Variants in SCFD1 observed in about 807,000 individuals in gnomAD.
SCFD1 encodes the protein sec1 family domain containing 1, also known as sec1 family domain-containing protein 1.
Under a neutral mutation model 103.2 loss-of-function variants are expected in SCFD1, and 37 were observed. The observed-to-expected ratio is 0.36, with a 90% CI of 0.28 to 0.47. SCFD1 has a LOEUF of 0.47. Among genes scored for constraint, SCFD1 ranks in the 20% least tolerant of loss-of-function variants. The pLI is 1.00. For synonymous variants in SCFD1, 264 were observed against 245.0 expected (o/e 1.08, Z -0.73); for missense variants, 639 against 761.2 (o/e 0.84, Z 1.89).
chr14:30,702,112 A>G (rs1372411934), intron 16 of SCFD1, among the ~76,000 whole-genome samples, 184 bp from the exon 17 acceptor site: 1 of 152,194 alleles, frequency 6.6e-6, no homozygotes, highest in African/African-American at 2.4e-5. Flanking sequence ...AATTTTCATT[A>G]TATGTGATTT....
intron 8 of SCFD1, 34 bp from the exon 9 acceptor site, chr14:30,650,531 C>T (rs761934281): frequency 8.2e-7 from 1 of 1,217,382 alleles, no homozygotes; most frequent in South Asian, 1.2e-5. Context: ...TTATATGAAA[C>T]TGTTAAGAGT....
chr14:30,695,527 A>G (rs922824994), intron 15 of SCFD1, among the ~76,000 whole-genome samples: 2 of 152,166 alleles, frequency 1.3e-5, no homozygotes, highest in Non-Finnish European at 1.5e-5. Flanking sequence ...GATGAAGGGA[A>G]CAAAAAAATA....
At chr14:30,700,455 T>C (rs764501112) in intron 16 of SCFD1, among the ~76,000 whole-genome samples, 197 bp downstream of exon 16, 3 of 152,178 alleles carry the variant, frequency 2.0e-5, no homozygotes, top group Non-Finnish European at 4.4e-5. Context: ...GGCAGATCAC[T>C]TTGAGCGCAG....
At chr14:30,710,864 G>A (rs7157286) in intron 19 of SCFD1, among the ~76,000 whole-genome samples, 3,988 of 152,216 alleles carry the variant, frequency 0.026, 177 homozygotes, top group African/African-American at 0.091. Flanking sequence ...ATTTATGCCT[G>A]TTAAATCTCT....
chr14:30,651,998 C>G (rs1886437388), intron 9 of SCFD1, among the ~76,000 whole-genome samples: 1 of 152,062 alleles, frequency 6.6e-6, no homozygotes, highest in Non-Finnish European at 1.5e-5. Flanking sequence ...TTATCCAGCC[C>G]CAAATGTCAG....
chr14:30,710,536 T>A (rs1347899869), intron 19 of SCFD1, among the ~76,000 whole-genome samples: 1 of 152,106 alleles, frequency 6.6e-6, no homozygotes, highest in Non-Finnish European at 1.5e-5. Context: ...AAGCTTTAAA[T>A]GTTAGTTTTT....
rs139769371 is a variant in SCFD1 at position 30,734,808 on chromosome 14, A to C, written c.1855A>C (p.Ile619Leu). The C allele has an allele frequency of 1.7e-4, 275 of 1,613,430 alleles. No individual in the cohort carries two copies. Among genetic ancestry groups the C allele is most frequent in the Non-Finnish European group, 2.2e-4 (264 of 1,179,574 alleles). Reference sequence around the variant, plus strand: ...TTTACAGGGGAAACAAGGCAAACACATTTTATATGGCTGCAGTGAGCTTTT... The same window carrying C: ...TTTACAGGGGAAACAAGGCAAACACCTTTTATATGGCTGCAGTGAGCTTTT... ...DYIKGKQGKH[I>L]LYGCSELFNA... Residue 619 changes from isoleucine (I) to leucine (L), a missense_variant, in exon 24 of 25, where the codon ATT becomes CTT. Coordinates refer to ENST00000458591, the MANE Select transcript of SCFD1 (RefSeq NM_016106.4).
At chr14:30,630,756 G>T in intron 3 of SCFD1, 191 bp downstream of exon 3, 1 of 504,548 alleles carries the variant, frequency 2.0e-6, no homozygotes, top group Non-Finnish European at 3.5e-6. Flanking sequence ...TAAATTTTCT[G>T]CCTTGTGGCT....
intron 11 of SCFD1, among the ~76,000 whole-genome samples, chr14:30,671,387 C>T (rs571249895): frequency 1.3e-5 from 2 of 152,092 alleles, no homozygotes; most frequent in South Asian, 4.1e-4. Flanking sequence ...CCATAATCTA[C>T]GTTTCCCTCC....
intron 18 of SCFD1, 58 bp downstream of exon 18, chr14:30,705,943 C>A: frequency 7.3e-7 from 1 of 1,376,900 alleles, no homozygotes; most frequent in Non-Finnish European, 1.0e-6. Context: ...CTTAGACTTT[C>A]ATGCCTTAAA....
chr14:30,675,888 T>A (rs1189781312), intron 14 of SCFD1, among the ~76,000 whole-genome samples: 1 of 152,214 alleles, frequency 6.6e-6, no homozygotes, highest in African/African-American at 2.4e-5. Context: ...ACATAGATAA[T>A]GGGCAGCATG....
At chr14:30,646,252 A>G (rs962142345) in intron 7 of SCFD1, among the ~76,000 whole-genome samples, 2 of 151,486 alleles carry the variant, frequency 1.3e-5, no homozygotes, top group African/African-American at 2.4e-5. Flanking sequence ...CAATCTCTTG[A>G]CCTCGTGATC....
chr14:30,634,787 G>A (rs186001420), intron 4 of SCFD1: 6 of 455,778 alleles, frequency 1.3e-5, no homozygotes, highest in East Asian at 6.9e-5. Flanking sequence ...TTGTCGCTGC[G>A]CCTGTAGGCA....
intron 13 of SCFD1, 87 bp downstream of exon 13, chr14:30,674,084 T>A: frequency 1.1e-6 from 1 of 898,614 alleles, no homozygotes; most frequent in Non-Finnish European, 1.7e-6. Context: ...TGTTTTTAAC[T>A]AGTAGGAAAC....
intron 14 of SCFD1, among the ~76,000 whole-genome samples, chr14:30,679,197 A>G (rs1008923988): frequency 6.6e-6 from 1 of 151,068 alleles, no homozygotes; most frequent in Non-Finnish European, 1.5e-5. Flanking sequence ...CCTTATTATC[A>G]TCTTGTGCCT....
rs1313140813 is a variant in SCFD1, at chr14:30,724,308, A to G, written c.1836+1749A>G. 3.2e-5 allele frequency among the ~76,000 whole-genome samples: 4 copies of G among 124,124 alleles called. No homozygotes were observed. In the East Asian group the frequency reaches 1.0e-3, roughly 32 times the overall value. The allele number at this position is 124,124 out of a possible 152,430, so 81.4% of individuals were successfully genotyped here. ...TACTCCATCGCCCAGGTTGGAGTGC[A>G]GTGGTGCCATCTCGGCTCACAGCGA... On this transcript the variant is annotated intron_variant, in intron 23 of 24. Transcript: ENST00000458591.
chr14:30,641,126 C>T (rs1444809616), intron 6 of SCFD1, among the ~76,000 whole-genome samples: 1 of 152,152 alleles, frequency 6.6e-6, no homozygotes, highest in Non-Finnish European at 1.5e-5. Context: ...CACAGGCAGT[C>T]TCACTCCAGA....
intron 11 of SCFD1, among the ~76,000 whole-genome samples, chr14:30,673,040 A>G (rs909550938): frequency 6.6e-6 from 1 of 152,184 alleles, no homozygotes; most frequent in Non-Finnish European, 1.5e-5. Context: ...TTAGATGTAT[A>G]TTATATGCAT....
chr14:30,650,174 T>C (rs1886263248), intron 8 of SCFD1, among the ~76,000 whole-genome samples: 1 of 152,210 alleles, frequency 6.6e-6, no homozygotes, highest in Non-Finnish European at 1.5e-5. Flanking sequence ...CTGAGGCTTC[T>C]TGTACCCACC....
Sources: gnomAD v4.1 joint callset for allele counts (sites outside exome capture counted in the v4.1 genomes callset) on GRCh38, gnomAD v4.1.1 for gene constraint, MANE v1.5 for transcripts, NCBI Gene and HGNC (gene_info 2026-07-23, HGNC 2026-07-21) for gene names.